CTXN2: variants seen among roughly 807,000 people sequenced by gnomAD.
The protein encoded by CTXN2 is cortexin-2.
In CTXN2, 3 loss-of-function variants were observed where a neutral mutation model predicts 5.7. The observed-to-expected ratio is 0.53, with a 90% CI of 0.24 to 1.36. The LOEUF (loss-of-function observed/expected upper bound fraction) is 1.36. CTXN2 is among the 40% of genes most tolerant of loss of function. CTXN2 has a pLI of 0.17. For synonymous variants in CTXN2, 38 were observed against 36.4 expected (o/e 1.04, Z -0.16); for missense variants, 87 against 93.0 (o/e 0.94, Z 0.26).
intron 1 of CTXN2, among the ~76,000 whole-genome samples, chr15:48,179,612 C>T (rs1207065374): frequency 6.6e-6 from 1 of 152,150 alleles, no homozygotes; most frequent in African/African-American, 2.4e-5. Flanking sequence ...TTGCCCATAA[C>T]TCCCTGGGCA....
rs1323040346 is a variant in CTXN2 at position 48,201,309 on chromosome 15, T to C, written c.9T>C (p.Ser3=). MS[S]TYCGNSSAKM... ...CAATGTGCCAGTGAATAATGAGTAG[T>C]ACCTACTGTGGCAACTCTTCAGCTA... The change falls in exon 2 of 2, where the codon AGT becomes AGC. Residue 3 remains serine, a synonymous_variant. Transcript: ENST00000417307. The C allele has an allele frequency of 5.2e-6, 8 of 1,551,104 alleles. No homozygotes were observed. The African/African-American group carries it at 1.1e-4, about 21-fold the overall frequency.
chr15:48,191,270 C>A (rs1286336718), upstream of CTXN2, among the ~76,000 whole-genome samples: 1 of 152,200 alleles, frequency 6.6e-6, no homozygotes, highest in Non-Finnish European at 1.5e-5. Flanking sequence ...CAGCAAAATG[C>A]CCGCAGCACA....
intron 1 of CTXN2, among the ~76,000 whole-genome samples, chr15:48,179,046 GTAGT>G (rs1247071912): frequency 3.3e-5 from 5 of 151,764 alleles, no homozygotes; most frequent in South Asian, 4.2e-4. Flanking sequence ...TTCTAGTGAA[GTAGT>G]TAGTTATACG....
rs1306022549 is a variant in CTXN2, at chr15:48,202,972, G to A, written c.*1426G>A. ...AGGAACAAGACTAATATTACCAAGA[G>A]GTAGCACTAAGTTAGTTACTTTCAA... On this transcript the variant is annotated 3_prime_UTR_variant, in exon 2 of 2. Coordinates refer to ENST00000417307, the MANE Select transcript of CTXN2 (RefSeq NM_001145668.2). 6.0e-6 allele frequency: 1 copy of A among 166,458 alleles called. No homozygotes were observed. The highest frequency in any genetic ancestry group is 1.5e-5 in the Non-Finnish European group (1 of 68,092). The allele number at this position is 166,458 out of a possible 1,614,324, so 10.3% of individuals were successfully genotyped here.
chr15:48,195,152 C>G (rs1177967077), intron 1 of CTXN2, among the ~76,000 whole-genome samples: 1 of 152,136 alleles, frequency 6.6e-6, no homozygotes, highest in African/African-American at 2.4e-5. Flanking sequence ...ATGCTTTGCT[C>G]TTATTTTCTT....
At chr15:48,195,739 C>T (rs2040872476) in intron 1 of CTXN2, among the ~76,000 whole-genome samples, 1 of 152,070 alleles carries the variant, frequency 6.6e-6, no homozygotes, top group African/African-American at 2.4e-5. Context: ...CTTTTTGGAT[C>T]TTCTTTTTTT....
Position 48,201,241 on chromosome 15 carries a change from T to C in CTXN2, c.-57-3T>C. ...ACTAAACTGAGTCCAATTTTGTACC[T>C]AGGCAAAGAGTTGATTCCAGAAGGA... On this transcript the variant is annotated splice_polypyrimidine_tract_variant and splice_region_variant and intron_variant, in intron 1 of 1. Transcript: ENST00000417307. 1 of 1,533,768 alleles carries C rather than the reference T, an allele frequency of 6.5e-7. No individual in the cohort carries two copies. Among genetic ancestry groups the C allele is most frequent in the Non-Finnish European group, 8.8e-7 (1 of 1,134,894 alleles).
upstream of CTXN2, among the ~76,000 whole-genome samples, chr15:48,188,432 T>C (rs2040780410): frequency 6.6e-6 from 1 of 152,168 alleles, no homozygotes; most frequent in African/African-American, 2.4e-5. Context: ...TAAACTGGTA[T>C]TGAAAGAAAT....
intron 1 of CTXN2, among the ~76,000 whole-genome samples, chr15:48,181,294 G>A (rs968878661): frequency 2.0e-5 from 3 of 152,222 alleles, no homozygotes; most frequent in Non-Finnish European, 2.9e-5. Context: ...CCATCCTAGT[G>A]TGAGGCTTCC....
chr15:48,197,135 G>C (rs936208412), intron 1 of CTXN2, among the ~76,000 whole-genome samples: 2 of 151,688 alleles, frequency 1.3e-5, no homozygotes, highest in Non-Finnish European at 2.9e-5. Flanking sequence ...CAAATAAAGG[G>C]CTTAATCTTA....
intron 1 of CTXN2, among the ~76,000 whole-genome samples, chr15:48,179,971 C>G (rs1470429804): frequency 6.6e-6 from 1 of 151,880 alleles, no homozygotes; most frequent in East Asian, 1.9e-4. Context: ...TTTTAAGAGG[C>G]CTTTATGCTT....
At chr15:48,185,549 C>T (rs2040743221) in intron 1 of CTXN2, among the ~76,000 whole-genome samples, 1 of 152,052 alleles carries the variant, frequency 6.6e-6, no homozygotes, top group Non-Finnish European at 1.5e-5. Context: ...ACAACCATAG[C>T]ACTGCAAAAA....
rs147770913 is a variant in CTXN2 at position 48,181,658 on chromosome 15, G to A, written c.-455+3258G>A. Among the ~76,000 whole-genome samples the A allele has an allele frequency of 2.0e-5, 3 of 152,102 alleles. No individual in the cohort carries two copies. In the East Asian group the frequency reaches 5.8e-4, roughly 29 times the overall value. On this transcript the variant is annotated intron_variant, in intron 1 of 2. Coordinates refer to the CTXN2 transcript ENST00000644354. ...AAAAATGGTGGCTAACATTTCTATG[G>A]TGACAATAGCTTCTAAAAATACTTC...
chr15:48,189,283 A>G (rs1297438408), upstream of CTXN2: 6 of 152,246 alleles, frequency 3.9e-5, no homozygotes, highest in Non-Finnish European at 5.9e-5. Context: ...CATTCACACA[A>G]ATGATCTATG....
intron 1 of CTXN2, among the ~76,000 whole-genome samples, chr15:48,201,038 G>GTGTCC (rs2040924093): frequency 6.6e-6 from 1 of 152,170 alleles, no homozygotes; most frequent in African/African-American, 2.4e-5. Context: ...ACAGTCTTAT[G>GTGTCC]TGTCCGCAAA....
At chr15:48,199,238 C>T (rs1419900939) in intron 1 of CTXN2, among the ~76,000 whole-genome samples, 1 of 152,140 alleles carries the variant, frequency 6.6e-6, no homozygotes, top group East Asian at 1.9e-4. Context: ...GGAAGGGCCA[C>T]GACTTTGGGT....
At chr15:48,200,361 C>A (rs543415662) in intron 1 of CTXN2, among the ~76,000 whole-genome samples, 3 of 152,048 alleles carry the variant, frequency 2.0e-5, no homozygotes, top group East Asian at 1.9e-4. Context: ...GGGAAAAAAA[C>A]CTATTTTGTT....
chr15:48,188,790 T>G (rs572742012), upstream of CTXN2, among the ~76,000 whole-genome samples: 1 of 152,296 alleles, frequency 6.6e-6, no homozygotes, highest in South Asian at 2.1e-4. Flanking sequence ...TTTCAGCAAT[T>G]TTTTTTGTAA....
At chr15:48,192,113 T>C (rs912244391) in intron 1 of CTXN2, 2 of 254,844 alleles carry the variant, frequency 7.8e-6, no homozygotes, top group East Asian at 1.9e-4. Flanking sequence ...TACGTGCAGA[T>C]TGCTGATGCT....
Sources: gnomAD v4.1 joint callset for allele counts (sites outside exome capture counted in the v4.1 genomes callset) on GRCh38, gnomAD v4.1.1 for gene constraint, MANE v1.5 for transcripts, NCBI Gene and HGNC (gene_info 2026-07-23, HGNC 2026-07-21) for gene names.